The following PTER variants were observed in gnomAD, a reference collection of about 807,000 sequenced individuals.
The protein encoded by PTER is N-acetyltaurine hydrolase.
Under a neutral mutation model 29.6 loss-of-function variants are expected in PTER, and 38 were observed. The ratio of observed to expected loss-of-function variants is 1.28; its 90% CI spans 0.99 to 1.68. The LOEUF is 1.68. PTER is among the 40% of genes most tolerant of loss of function. The pLI, the probability that PTER is intolerant of heterozygous loss-of-function variation, is 0.00. For missense variants in PTER, 482 were observed against 427.8 expected (o/e 1.13, Z -1.12); for synonymous variants, 172 against 154.5 (o/e 1.11, Z -0.84).
At chr10:16,506,576 A>G (rs10904758) in intron 4 of PTER, among the ~76,000 whole-genome samples, 91,158 of 152,004 alleles carry the variant, frequency 0.6, 29,125 homozygotes, top group East Asian at 0.83. Context: ...TTCCTAAGGC[A>G]ACAAATAGAT....
intron 1 of PTER, among the ~76,000 whole-genome samples, chr10:16,468,196 G>A (rs936277993): frequency 2.6e-5 from 4 of 152,050 alleles, no homozygotes; most frequent in Non-Finnish European, 5.9e-5. Context: ...ACAAAAATTA[G>A]CCGAGTGTGG....
downstream of PTER, among the ~76,000 whole-genome samples, chr10:16,517,029 A>G (rs1836962819): frequency 6.6e-6 from 1 of 152,192 alleles, no homozygotes; most frequent in Non-Finnish European, 1.5e-5. Context: ...AAGCTCTAGT[A>G]TTCAGCTCAG....
chr10:16,445,099 A>AT (rs1051418381), intron 1 of PTER, among the ~76,000 whole-genome samples: 1 of 152,222 alleles, frequency 6.6e-6, no homozygotes. Flanking sequence ...AATAAAAGTT[A>AT]TTTTTTAAAA....
intron 1 of PTER, among the ~76,000 whole-genome samples, chr10:16,477,015 C>T (rs1004133629): frequency 6.6e-6 from 1 of 151,252 alleles, no homozygotes; most frequent in Non-Finnish European, 1.5e-5. Context: ...AAGCAATACT[C>T]CCACCTCAGC....
chr10:16,489,046 A>T (rs906142041), intron 3 of PTER, among the ~76,000 whole-genome samples: 6 of 152,120 alleles, frequency 3.9e-5, no homozygotes, highest in Non-Finnish European at 8.8e-5. Flanking sequence ...TGTATCACAA[A>T]CTCCAATTTG....
At chr10:16,452,758 T>C (rs1276840147) in intron 1 of PTER, among the ~76,000 whole-genome samples, 1 of 151,386 alleles carries the variant, frequency 6.6e-6, no homozygotes, top group Non-Finnish European at 1.5e-5. Context: ...TTTATTATTA[T>C]TGTTATTATT....
At chr10:16,497,868 G>T (rs1020257247) in intron 3 of PTER, among the ~76,000 whole-genome samples, 1 of 152,116 alleles carries the variant, frequency 6.6e-6, no homozygotes. Flanking sequence ...TTAAGAAACT[G>T]GGTATATGAT....
chr10:16,478,548 A>T (rs1288095934), intron 1 of PTER, among the ~76,000 whole-genome samples: 1 of 151,942 alleles, frequency 6.6e-6, no homozygotes, highest in Non-Finnish European at 1.5e-5. Flanking sequence ...TGGCCAGGCT[A>T]GTCTCGAACA....
chr10:16,473,413 A>G (rs550098642), intron 1 of PTER, among the ~76,000 whole-genome samples: 21 of 149,494 alleles, frequency 1.4e-4, no homozygotes, highest in Non-Finnish European at 3.0e-4. Flanking sequence ...TGAACTCACT[A>G]TTAAAAATTA....
intron 1 of PTER, among the ~76,000 whole-genome samples, chr10:16,467,387 G>A (rs1262423666): frequency 6.6e-6 from 1 of 152,046 alleles, no homozygotes; most frequent in Non-Finnish European, 1.5e-5. Context: ...ATCCACTGGG[G>A]CCCCTGGAAC....
chr10:16,446,626 G>A (rs1834022112), intron 1 of PTER, among the ~76,000 whole-genome samples: 1 of 152,078 alleles, frequency 6.6e-6, no homozygotes, highest in African/African-American at 2.4e-5. Context: ...ATATATTAAA[G>A]AACATATGCA....
intron 1 of PTER, among the ~76,000 whole-genome samples, chr10:16,459,546 G>A (rs1453078438): frequency 6.6e-6 from 1 of 152,092 alleles, no homozygotes; most frequent in Non-Finnish European, 1.5e-5. Flanking sequence ...AGGAACTACA[G>A]GACTTGTTAG....
At chr10:16,469,909 T>G (rs1218302587) in intron 1 of PTER, among the ~76,000 whole-genome samples, 7 of 151,600 alleles carry the variant, frequency 4.6e-5, no homozygotes. Context: ...TTGTTTTTTT[T>G]TTTAATTTAA....
intron 1 of PTER, among the ~76,000 whole-genome samples, chr10:16,479,496 AG>A (rs1336853929): frequency 6.6e-6 from 1 of 152,028 alleles, no homozygotes; most frequent in Non-Finnish European, 1.5e-5. Flanking sequence ...AAAAAAAAAA[AG>A]GATGCATTTA....
chr10:16,464,883 G>A (rs1834751566), intron 1 of PTER, among the ~76,000 whole-genome samples: 1 of 152,148 alleles, frequency 6.6e-6, no homozygotes, highest in East Asian at 1.9e-4. Flanking sequence ...GTTCCACATG[G>A]CTGGGGAGGC....
At chr10:16,504,999 C>T in intron 3 of PTER, 21 bp from the exon 4 acceptor site, 1 of 1,612,346 alleles carries the variant, frequency 6.2e-7, no homozygotes, top group Middle Eastern at 1.7e-4. Flanking sequence ...AATAACAGTT[C>T]ATCTGTCGCA....
chr10:16,492,076 A>G (rs1420444561), intron 3 of PTER, among the ~76,000 whole-genome samples: 1 of 152,156 alleles, frequency 6.6e-6, no homozygotes, highest in African/African-American at 2.4e-5. Flanking sequence ...TCTTAACTAC[A>G]TTGTTGTCAT....
At chr10:16,445,344 G>A (rs769024877) in intron 1 of PTER, among the ~76,000 whole-genome samples, 7 of 152,166 alleles carry the variant, frequency 4.6e-5, no homozygotes, top group Non-Finnish European at 7.3e-5. Context: ...CCTGGGAGGC[G>A]AAGGTTGCAG....
At chr10:16,472,610 T>C (rs752464670) in intron 1 of PTER, among the ~76,000 whole-genome samples, 2 of 152,164 alleles carry the variant, frequency 1.3e-5, no homozygotes, top group African/African-American at 4.8e-5. Context: ...CCTTTATAAA[T>C]TACCCAGTCT....
Sources: allele counts gnomAD v4.1 joint callset (sites outside exome capture counted in the v4.1 genomes callset), GRCh38; gene constraint gnomAD v4.1.1; transcripts MANE v1.5; gene names NCBI Gene and HGNC (gene_info 2026-07-23, HGNC 2026-07-21).